MYLK: variants seen among roughly 807,000 people sequenced by gnomAD.
MYLK encodes myosin light chain kinase.
In MYLK, 106 loss-of-function variants were observed where a neutral mutation model predicts 203.4. The ratio of observed to expected loss-of-function variants is 0.52; its 90% confidence interval spans 0.45 to 0.61. MYLK has a LOEUF of 0.61. Among genes scored for constraint, MYLK ranks in the 20% least tolerant of loss-of-function variants. MYLK has a pLI of 0.00. For missense variants in MYLK, 2,072 were observed against 2,442.3 expected, an observed-to-expected ratio of 0.85 and a Z score of 3.20; for synonymous variants, 867 against 959.5, an observed-to-expected ratio of 0.90 and a Z score of 1.78.
intron 1 of MYLK, among the ~76,000 whole-genome samples, chr3:123,879,477 A>G (rs2033378686): frequency 6.6e-6 from 1 of 152,096 alleles, no homozygotes; most frequent in South Asian, 2.1e-4. Context: ...GCCTTCCTGC[A>G]TCACTCTAGC....
chr3:123,800,804 C>T (rs1314954441), intron 3 of MYLK, among the ~76,000 whole-genome samples: 1 of 152,122 alleles, frequency 6.6e-6, no homozygotes, highest in Admixed American at 6.5e-5. Flanking sequence ...CTTTTAACAC[C>T]TAGGAGACCC....
At chr3:123,666,171 A>G (rs1403571709) in intron 22 of MYLK, 48 bp downstream of exon 22, 5 of 1,613,966 alleles carry the variant, frequency 3.1e-6, no homozygotes, top group Non-Finnish European at 4.2e-6. Context: ...CAAAGGCTGT[A>G]CGGATTATTC....
At chr3:123,689,835 A>C (rs2060593866) in intron 19 of MYLK, 1 of 152,212 alleles carries the variant, frequency 6.6e-6, no homozygotes, top group South Asian at 2.1e-4. Flanking sequence ...TAATCAAGCA[A>C]GTTCATAAAC....
chr3:123,646,349 A>C (rs910064826), intron 27 of MYLK, among the ~76,000 whole-genome samples: 1 of 152,262 alleles, frequency 6.6e-6, no homozygotes, highest in African/African-American at 2.4e-5. Context: ...AAGGATAGAC[A>C]GGAATAATGG....
intron 4 of MYLK, among the ~76,000 whole-genome samples, chr3:123,777,589 A>G (rs553229037): frequency 6.6e-6 from 1 of 152,276 alleles, no homozygotes; most frequent in South Asian, 2.1e-4. Flanking sequence ...CAAGTGTAGA[A>G]CAGAGACCTG....
intron 24 of MYLK, among the ~76,000 whole-genome samples, chr3:123,649,446 C>A (rs930726770): frequency 6.6e-6 from 1 of 152,228 alleles, no homozygotes; most frequent in African/African-American, 2.4e-5. Flanking sequence ...TCTGTCCCAT[C>A]CTCTCTAGCC....
At chr3:123,702,659 C>T (rs530261535) in intron 16 of MYLK, among the ~76,000 whole-genome samples, 7 of 152,222 alleles carry the variant, frequency 4.6e-5, no homozygotes, top group African/African-American at 1.7e-4. Flanking sequence ...ATTAGAGTCA[C>T]CACTGTTTTT....
rs2062272649 is a variant in MYLK at position 123,726,091 on chromosome 3, A to G, written c.1517-13T>C. On this transcript the variant is annotated splice_polypyrimidine_tract_variant and intron_variant, in intron 11 of 33. Coordinates refer to ENST00000360304, the MANE Select transcript of MYLK (RefSeq NM_053025.4). ...ATCACGGCAAGCCCTGTGAGGGAAA[A>G]GGACAGGTCAGCTCAGATCACAGCT... The G allele has an allele frequency of 1.2e-6, 2 of 1,614,030 alleles. No individual in the cohort carries two copies. Among genetic ancestry groups the G allele is most frequent in the Non-Finnish European group, 1.7e-6 (2 of 1,179,986 alleles).
rs113141601 is a variant in MYLK at position 123,855,711 on chromosome 3, C to T, written c.-127+20848G>A. Among the ~76,000 whole-genome samples the T allele has an allele frequency of 2.7e-3, 404 of 152,154 alleles. 1 individual carries two copies. Among genetic ancestry groups the T allele is most frequent in the African/African-American group, 9.4e-3 (389 of 41,530 alleles). On this transcript the variant is annotated intron_variant, in intron 2 of 33. Transcript: ENST00000360304. ...TTTTTAAAAAGGAGAAGGAGATCAT[C>T]TGTGAATGCCAACCATTCCTAACTG...
chr3:123,720,594 T>C (rs2062054593), intron 13 of MYLK, among the ~76,000 whole-genome samples: 4 of 152,208 alleles, frequency 2.6e-5, no homozygotes, highest in Admixed American at 6.5e-5. Context: ...AATCTCATTA[T>C]CACAATTTCC....
At chr3:123,823,359 C>T (rs1314732506) in intron 3 of MYLK, among the ~76,000 whole-genome samples, 3 of 152,174 alleles carry the variant, frequency 2.0e-5, no homozygotes, top group African/African-American at 7.2e-5. Flanking sequence ...ACTGGCTTAT[C>T]TAACAAGACA....
intron 5 of MYLK, among the ~76,000 whole-genome samples, chr3:123,746,197 T>C (rs1560165604): frequency 6.6e-6 from 1 of 152,048 alleles, no homozygotes; most frequent in African/African-American, 2.4e-5. Flanking sequence ...GTATAAAGAA[T>C]TGTGAAGCCA....
intron 3 of MYLK, among the ~76,000 whole-genome samples, chr3:123,801,835 G>T (rs1215380652): frequency 1.3e-5 from 2 of 152,154 alleles, no homozygotes; most frequent in Admixed American, 1.3e-4. Context: ...CCATTGATAG[G>T]CACCTAGTTT....
chr3:123,722,604 T>G (rs1346863319), intron 12 of MYLK, among the ~76,000 whole-genome samples: 1 of 152,176 alleles, frequency 6.6e-6, no homozygotes, highest in Non-Finnish European at 1.5e-5. Context: ...TTGGGCATTC[T>G]GTGTTAAACA....
intron 2 of MYLK, among the ~76,000 whole-genome samples, chr3:123,833,211 G>C (rs2066389405): frequency 6.6e-6 from 1 of 152,104 alleles, no homozygotes; most frequent in South Asian, 2.1e-4. Flanking sequence ...GACCAAATGA[G>C]AGCTCAAGCA....
chr3:123,667,870 T>A (rs1228857956), intron 20 of MYLK, among the ~76,000 whole-genome samples: 2 of 152,212 alleles, frequency 1.3e-5, no homozygotes, highest in African/African-American at 2.4e-5. Flanking sequence ...TCATGTCAGA[T>A]AAACCAACTA....
intron 2 of MYLK, among the ~76,000 whole-genome samples, chr3:123,874,624 T>C (rs997165191): frequency 3.3e-5 from 5 of 152,156 alleles, no homozygotes; most frequent in East Asian, 3.8e-4. Context: ...TCTTTAAAAA[T>C]TGATAAATTG....
intron 4 of MYLK, among the ~76,000 whole-genome samples, chr3:123,777,054 G>A (rs1469722773): frequency 6.6e-6 from 1 of 152,236 alleles, no homozygotes; most frequent in Non-Finnish European, 1.5e-5. Context: ...TTGCTTATCT[G>A]CTTTCTTAAG....
chr3:123,745,423 G>C (rs1291412648), intron 5 of MYLK, among the ~76,000 whole-genome samples: 1 of 151,952 alleles, frequency 6.6e-6, no homozygotes, highest in African/African-American at 2.4e-5. Context: ...TATTAAACTT[G>C]GTATTGAAGA....
Sources: gnomAD v4.1 joint callset for allele counts (sites outside exome capture counted in the v4.1 genomes callset) on GRCh38, gnomAD v4.1.1 for gene constraint, MANE v1.5 for transcripts, NCBI Gene and HGNC (gene_info 2026-07-23, HGNC 2026-07-21) for gene names.